The following SLC37A3 variants were observed in gnomAD, a reference collection of about 807,000 sequenced individuals.
SLC37A3 encodes the protein sugar phosphate exchanger 3.
In SLC37A3, 51 loss-of-function variants were observed where a neutral mutation model predicts 67.1. That is an observed-to-expected ratio of 0.76 (90% confidence interval 0.61 to 0.96). SLC37A3 has a LOEUF of 0.96. Among genes scored for constraint, SLC37A3 ranks in the 40% least tolerant of loss-of-function variants. The probability of loss-of-function intolerance (pLI) is 0.00; values close to 1 mark genes in which losing one functional copy is unlikely to be tolerated. For synonymous variants in SLC37A3, 214 were observed against 231.4 expected (o/e 0.92, Z 0.68); for missense variants, 508 against 603.0 (o/e 0.84, Z 1.65).
chr7:140,351,445 G>A lies in SLC37A3; in HGVS notation c.710C>T (p.Ser237Leu), dbSNP rs140597201. Residue 237 changes from serine (S) to leucine (L), a missense_variant, in exon 9 of 15, where the codon TCG (serine) becomes TTG (leucine). Physicochemically the swap from Ser to Leu is moderately radical, Grantham distance 145. Coordinates refer to ENST00000326232, the MANE Select transcript of SLC37A3 (RefSeq NM_207113.3). ...LLVSPEEIGLSGIEAEENFEE... is the reference protein window; with the variant it reads ...LLVSPEEIGLLGIEAEENFEE... Reference sequence around the variant, plus strand: ...AAAGTTTTCTTCTGCCTCAATACCCGAGAGACCTAAAATAACAGCGACAGC... The same window carrying A: ...AAAGTTTTCTTCTGCCTCAATACCCAAGAGACCTAAAATAACAGCGACAGC... 1.7e-5 allele frequency: 28 copies of A among 1,613,486 alleles called. No individual in the cohort carries two copies. The African/African-American group carries it at 2.3e-4, about 13-fold the overall frequency.
intron 1 of SLC37A3, among the ~76,000 whole-genome samples, chr7:140,384,133 T>G (rs1798358778): frequency 6.6e-6 from 1 of 152,214 alleles, no homozygotes; most frequent in African/African-American, 2.4e-5. Context: ...AATAATTAAA[T>G]AAATTATGGT....
At chr7:140,369,980 C>T (rs975939982) in intron 3 of SLC37A3, among the ~76,000 whole-genome samples, 2 of 152,058 alleles carry the variant, frequency 1.3e-5, no homozygotes, top group Non-Finnish European at 2.9e-5. Flanking sequence ...CATGGTGGCA[C>T]ATGCCTGTAA....
intron 10 of SLC37A3, 43 bp downstream of exon 10, chr7:140,348,583 G>T (rs763709269): frequency 3.2e-6 from 5 of 1,565,360 alleles, no homozygotes; most frequent in Non-Finnish European, 4.3e-6. Context: ...AAGATCACTA[G>T]TGACTAACTC....
intron 3 of SLC37A3, among the ~76,000 whole-genome samples, chr7:140,374,170 G>A (rs1018600492): frequency 5.9e-5 from 9 of 152,078 alleles, no homozygotes; most frequent in Non-Finnish European, 1.0e-4. Context: ...ATAATATCCT[G>A]GCATTTCTGA....
intron 13 of SLC37A3, 112 bp from the exon 14 acceptor site, chr7:140,337,461 T>C: frequency 2.3e-6 from 2 of 873,448 alleles, no homozygotes; most frequent in Non-Finnish European, 3.3e-6. Flanking sequence ...GGAACAGGAT[T>C]TGTATGTTTT....
At chr7:140,380,123 C>T (rs1798191665) in intron 3 of SLC37A3, 159 bp downstream of exon 3, 1 of 438,860 alleles carries the variant, frequency 2.3e-6, no homozygotes, top group African/African-American at 2.0e-5. Context: ...TGAGTCAGAG[C>T]AGGCTTTGAA....
intron 1 of SLC37A3, among the ~76,000 whole-genome samples, chr7:140,397,475 T>C (rs1169804869): frequency 1.3e-5 from 2 of 151,984 alleles, no homozygotes; most frequent in African/African-American, 4.8e-5. Flanking sequence ...ATTACAGGCA[T>C]GAGACACCGC....
intron 4 of SLC37A3, among the ~76,000 whole-genome samples, chr7:140,368,944 CGGCTCCCAGA>C (rs1797713422): frequency 6.6e-6 from 1 of 152,140 alleles, no homozygotes; most frequent in Non-Finnish European, 1.5e-5. Flanking sequence ...CAAAAGAACT[CGGCTCCCAGA>C]GCAAGTGCAC....
intron 14 of SLC37A3, among the ~76,000 whole-genome samples, 186 bp downstream of exon 14, chr7:140,337,098 C>CAAAAAAAAAA (rs1172096190): frequency 1.4e-4 from 10 of 69,586 alleles, no homozygotes; most frequent in African/African-American, 5.0e-4. Flanking sequence ...GACTCTGCCT[C>CAAAAAAAAAA]AAAAAAAAAA....
chr7:140,362,538 G>A (rs1430525095), intron 5 of SLC37A3, among the ~76,000 whole-genome samples: 4 of 136,574 alleles, frequency 2.9e-5, no homozygotes, highest in African/African-American at 5.5e-5. Flanking sequence ...CGCCCCGTCC[G>A]GGAGGGAGGT....
chr7:140,370,110 C>CA (rs1797762295), intron 3 of SLC37A3, among the ~76,000 whole-genome samples: 2 of 143,516 alleles, frequency 1.4e-5, no homozygotes, highest in South Asian at 4.4e-4. Context: ...AACTCCGTCT[C>CA]AAAAAAACAA....
At chr7:140,367,130 T>G (rs1429769461) in intron 4 of SLC37A3, among the ~76,000 whole-genome samples, 1 of 148,096 alleles carries the variant, frequency 6.8e-6, no homozygotes, top group East Asian at 2.0e-4. Flanking sequence ...ACAGCAAGAC[T>G]CCATCTCAAA....
At chr7:140,397,201 CAA>C (rs1166706967) in intron 1 of SLC37A3, among the ~76,000 whole-genome samples, 3 of 119,630 alleles carry the variant, frequency 2.5e-5, no homozygotes, top group Admixed American at 8.6e-5. Context: ...AACTCAGTCT[CAA>C]AAAAAAAAAA....
Position 140,374,638 on chromosome 7 carries a change from C to T in SLC37A3, c.199-4956G>A, listed in dbSNP as rs538437399. ...GGAGGATCCCTTGAGACCAGGAGCT[C>T]GAGACCAGCATAGGCAACATGGTGA... On this transcript the variant is annotated intron_variant, in intron 3 of 14. Coordinates refer to ENST00000326232, the MANE Select transcript of SLC37A3 (RefSeq NM_207113.3). Among the ~76,000 whole-genome samples the T allele has an allele frequency of 5.3e-5, 8 of 152,082 alleles. No homozygotes were observed. The East Asian group carries it at 9.7e-4, about 18-fold the overall frequency.
At chr7:140,383,289 TGGA>T (rs1413772362) in intron 1 of SLC37A3, among the ~76,000 whole-genome samples, 2 of 151,320 alleles carry the variant, frequency 1.3e-5, no homozygotes, top group Admixed American at 6.6e-5. Context: ...CACAAAGTGT[TGGA>T]GGAGATTTTT....
intron 1 of SLC37A3, among the ~76,000 whole-genome samples, chr7:140,388,690 A>C (rs1798606239): frequency 6.6e-6 from 1 of 152,056 alleles, no homozygotes; most frequent in Non-Finnish European, 1.5e-5. Context: ...GGGCGCTTGT[A>C]ATCCCAGCTA....
At chr7:140,384,578 GCGTGGTGGCT>G (rs1798377389) in intron 1 of SLC37A3, among the ~76,000 whole-genome samples, 1 of 151,740 alleles carries the variant, frequency 6.6e-6, no homozygotes, top group Admixed American at 6.6e-5. Flanking sequence ...CAACAGCCAA[GCGTGGTGGCT>G]CATGTCTATG....
chr7:140,381,141 AC>A (rs1475807981), intron 2 of SLC37A3, among the ~76,000 whole-genome samples: 1 of 147,940 alleles, frequency 6.8e-6, no homozygotes, highest in African/African-American at 2.5e-5. Context: ...CAGGTGATCC[AC>A]CCACCTCGGC....
At chr7:140,361,993 G>A (rs1209981132) in intron 5 of SLC37A3, among the ~76,000 whole-genome samples, 2 of 132,346 alleles carry the variant, frequency 1.5e-5, no homozygotes, top group Non-Finnish European at 3.3e-5. Flanking sequence ...AGTGAGGAGC[G>A]TCTCTGCCTG....
Sources: allele counts gnomAD v4.1 joint callset (sites outside exome capture counted in the v4.1 genomes callset), GRCh38; gene constraint gnomAD v4.1.1; transcripts MANE v1.5; gene names NCBI Gene and HGNC (gene_info 2026-07-23, HGNC 2026-07-21).